EPM2A: variants seen among roughly 807,000 people sequenced by gnomAD.
EPM2A encodes laforin.
Under a neutral mutation model 26.5 loss-of-function variants are expected in EPM2A, and 21 were observed. The observed-to-expected ratio is 0.79, with a 90% CI of 0.56 to 1.14. The LOEUF (loss-of-function observed/expected upper bound fraction) is 1.14. EPM2A is among the 50% of genes most tolerant of loss of function. The pLI, the probability that EPM2A is intolerant of heterozygous loss-of-function variation, is 0.00. For missense variants in EPM2A, 458 were observed against 440.8 expected (o/e 1.04, Z -0.35); for synonymous variants, 217 against 177.6 (o/e 1.22, Z -1.76).
In EPM2A at chr6:145,735,502, GGGC is replaced by G. The variant is rs1272631763; in HGVS notation, c.-7_-5del. The stretch of plus-strand genomic sequence containing the variant: ...CCACCCCAAAGCGGAAGCGCATGGC[GGGC>G]GGCGGCGGCGCGAATACCCGGGCCC... On this transcript the variant is annotated 5_prime_UTR_variant, in exon 1 of 4. Transcript: ENST00000367519. The G allele has an allele frequency of 4.2e-6, 5 of 1,186,088 alleles. No homozygotes were observed. Among genetic ancestry groups the G allele is most frequent in the South Asian group, 4.0e-5 (1 of 24,888 alleles). The allele number at this position is 1,186,088 out of a possible 1,614,324, so 73.5% of individuals were successfully genotyped here. A position where few individuals can be genotyped will look rare whatever the true frequency, so the allele number is the denominator to read the frequency against.
At chr6:145,485,901 A>C (rs1427148475) in intron 4 of EPM2A, among the ~76,000 whole-genome samples, 2 of 152,174 alleles carry the variant, frequency 1.3e-5, no homozygotes, top group African/African-American at 2.4e-5. Context: ...AAACCATCAG[A>C]TCTTGTGAGA....
chr6:145,669,511 C>G (rs924539939), intron 2 of EPM2A, among the ~76,000 whole-genome samples: 3 of 152,112 alleles, frequency 2.0e-5, no homozygotes, highest in Admixed American at 6.6e-5. Context: ...TAAATATTCC[C>G]TGATGTGTTC....
At chr6:145,554,775 C>T (rs747265475) in intron 2 of EPM2A, among the ~76,000 whole-genome samples, 2 of 152,050 alleles carry the variant, frequency 1.3e-5, no homozygotes, top group African/African-American at 2.4e-5. Context: ...TAAGGCATCA[C>T]CTATAATCAG....
At chr6:145,483,835 C>A (rs1290625467) in intron 4 of EPM2A, among the ~76,000 whole-genome samples, 2 of 152,136 alleles carry the variant, frequency 1.3e-5, no homozygotes, top group Non-Finnish European at 1.5e-5. Flanking sequence ...AGTTTGTTGC[C>A]AAGGTATCTC....
chr6:145,484,151 G>A (rs1380992316), intron 4 of EPM2A, among the ~76,000 whole-genome samples: 2 of 152,034 alleles, frequency 1.3e-5, no homozygotes, highest in Non-Finnish European at 1.5e-5. Context: ...ATTCTGAATA[G>A]TAAGTAGATT....
At position 145,465,938 on chromosome 6, in the gene EPM2A, T is replaced by C. The variant is rs565458886; in HGVS notation, c.555+36584A>G. 1.8e-3 allele frequency among the ~76,000 whole-genome samples: 278 copies of C among 152,194 alleles called. 1 individual carries two copies. The highest frequency in any genetic ancestry group is 6.3e-3 in the African/African-American group (263 of 41,506). ...GCTAGGAAAACTGGCTAGCCATATGTAGAAAGCTGAAACTGGATCCCTTCC... is the reference window on the plus strand; with the variant it reads ...GCTAGGAAAACTGGCTAGCCATATGCAGAAAGCTGAAACTGGATCCCTTCC... On this transcript the variant is annotated intron_variant, in intron 4 of 4. Transcript: ENST00000638717.
chr6:145,578,316 A>C (rs1781063163), intron 2 of EPM2A, among the ~76,000 whole-genome samples: 1 of 152,140 alleles, frequency 6.6e-6, no homozygotes, highest in South Asian at 2.1e-4. Flanking sequence ...TGAAATACAA[A>C]GAGAAGAGCC....
At chr6:145,393,370 T>C (rs1218510307) in intron 4 of EPM2A, among the ~76,000 whole-genome samples, 1 of 151,984 alleles carries the variant, frequency 6.6e-6, no homozygotes, top group African/African-American at 2.4e-5. Context: ...AATCACAGAT[T>C]GTTATTTTTA....
intron 2 of EPM2A, among the ~76,000 whole-genome samples, chr6:145,584,361 C>T (rs550720358): frequency 6.6e-6 from 1 of 152,220 alleles, no homozygotes; most frequent in Non-Finnish European, 1.5e-5. Context: ...CAGGCTGGGG[C>T]CCTGGAAGAG....
At chr6:145,455,040 TGA>T (rs71685073) in intron 4 of EPM2A, among the ~76,000 whole-genome samples, 1,833 of 152,230 alleles carry the variant, frequency 0.012, 30 homozygotes, top group African/African-American at 0.04. Flanking sequence ...TATATGTGTG[TGA>T]ATATATACAC....
Position 145,626,351 on chromosome 6 carries a change from C to A in EPM2A, c.*1065G>T. 1.0e-6 allele frequency: 1 copy of A among 985,946 alleles called. No homozygotes were observed. The highest frequency in any genetic ancestry group is 1.1e-4 in the East Asian group (1 of 8,818). The allele number at this position is 985,946 out of a possible 1,614,324, so 61.1% of individuals were successfully genotyped here. On this transcript the variant is annotated 3_prime_UTR_variant, in exon 4 of 4. Coordinates refer to ENST00000367519, the MANE Select transcript of EPM2A (RefSeq NM_005670.4). Reference sequence around the variant, plus strand: ...AGCCAGGATGGCCAAGGCTGTGAAGCAATTATCCATGGATTTGGTCATTTG... The same window carrying A: ...AGCCAGGATGGCCAAGGCTGTGAAGAAATTATCCATGGATTTGGTCATTTG...
chr6:145,679,438 A>T (rs930668292), intron 2 of EPM2A, among the ~76,000 whole-genome samples: 1 of 152,116 alleles, frequency 6.6e-6, no homozygotes, highest in African/African-American at 2.4e-5. Flanking sequence ...GAAGAAAAAT[A>T]TATTTAAAAA....
chr6:145,595,884 A>G (rs1781336086), intron 2 of EPM2A, among the ~76,000 whole-genome samples: 1 of 152,166 alleles, frequency 6.6e-6, no homozygotes, highest in Non-Finnish European at 1.5e-5. Context: ...AATGACAACA[A>G]TAGTGTGCAT....
intron 2 of EPM2A, chr6:145,684,898 A>C (rs1388314665): frequency 6.6e-6 from 1 of 152,194 alleles, no homozygotes; most frequent in Non-Finnish European, 1.5e-5. Flanking sequence ...AACATCTACC[A>C]GAAGTTTGAA....
intron 4 of EPM2A, chr6:145,489,583 G>T (rs973638649): frequency 1.0e-6 from 1 of 979,506 alleles, no homozygotes; most frequent in African/African-American, 1.6e-5. Context: ...CCCATAATCC[G>T]TTCAAAAACC....
chr6:145,643,094 T>G (rs1009876327), intron 2 of EPM2A, among the ~76,000 whole-genome samples: 21 of 152,194 alleles, frequency 1.4e-4, no homozygotes, highest in Non-Finnish European at 2.9e-5. Flanking sequence ...GTTCAAGATG[T>G]ACTTTAGCAG....
intron 4 of EPM2A, among the ~76,000 whole-genome samples, chr6:145,388,853 T>A (rs1778298915): frequency 6.6e-6 from 1 of 152,170 alleles, no homozygotes; most frequent in Non-Finnish European, 1.5e-5. Flanking sequence ...TCATCCTTTT[T>A]TATGGTCGCA....
At chr6:145,713,244 T>C (rs1462410037) in intron 1 of EPM2A, among the ~76,000 whole-genome samples, 9 of 152,320 alleles carry the variant, frequency 5.9e-5, no homozygotes, top group Admixed American at 5.2e-4. Context: ...GTTAGGTGCA[T>C]TGACTGCTTA....
intron 4 of EPM2A, among the ~76,000 whole-genome samples, chr6:145,425,952 A>G (rs1201436867): frequency 2.0e-5 from 3 of 152,212 alleles, no homozygotes; most frequent in Non-Finnish European, 2.9e-5. Context: ...TTGCTACTCA[A>G]TCAAAATCCA....
Sources: gnomAD v4.1 joint callset for allele counts (sites outside exome capture counted in the v4.1 genomes callset) on GRCh38, gnomAD v4.1.1 for gene constraint, MANE v1.5 for transcripts, NCBI Gene and HGNC (gene_info 2026-07-23, HGNC 2026-07-21) for gene names.